The following SH3GLB1 variants were observed in gnomAD, a reference collection of about 807,000 sequenced individuals.
SH3GLB1 encodes endophilin-B1.
A neutral mutation model predicts 42.0 loss-of-function variants in SH3GLB1; 17 were observed. The observed-to-expected ratio is 0.40, with a 90% confidence interval of 0.28 to 0.61. The LOEUF is 0.61. Ranked by LOEUF, SH3GLB1 falls within the 20% of genes least tolerant of loss-of-function variation. The pLI, the probability that SH3GLB1 is intolerant of heterozygous loss-of-function variation, is 0.36. For missense variants in SH3GLB1, 355 were observed against 426.3 expected (o/e 0.83, Z 1.47); for synonymous variants, 132 against 146.6 (o/e 0.90, Z 0.72).
chr1:86,743,263 T>G lies in SH3GLB1; in HGVS notation c.*28T>G. 2.0e-6 allele frequency: 3 copies of G among 1,503,410 alleles called. No individual in the cohort carries two copies. Among genetic ancestry groups the G allele is most frequent in the Non-Finnish European group, 2.7e-6 (3 of 1,103,568 alleles). 93.1% of individuals were successfully genotyped at this position (1,503,410 alleles called of 1,614,324 possible). On this transcript the variant is annotated 3_prime_UTR_variant, in exon 9 of 9. Coordinates refer to ENST00000370558, the MANE Select transcript of SH3GLB1 (RefSeq NM_016009.5). ...AGGTGGACTATGGAAAGGTTGCCCA[T>G]CATGACTTTGTATTTATATACAATT... is the stretch of plus-strand genomic sequence containing the variant.
chr1:86,716,140 G>A (rs1654514916), intron 2 of SH3GLB1, among the ~76,000 whole-genome samples: 1 of 152,146 alleles, frequency 6.6e-6, no homozygotes, highest in Non-Finnish European at 1.5e-5. Context: ...GAGCAGCTGT[G>A]TATATAAATA....
intron 1 of SH3GLB1, among the ~76,000 whole-genome samples, chr1:86,708,330 A>G (rs1445714000): frequency 6.6e-6 from 1 of 152,164 alleles, no homozygotes; most frequent in Non-Finnish European, 1.5e-5. Context: ...CAGTAAGAAC[A>G]GTAGAGAGAG....
At chr1:86,710,126 G>A (rs1390804216) in intron 1 of SH3GLB1, among the ~76,000 whole-genome samples, 1 of 152,064 alleles carries the variant, frequency 6.6e-6, no homozygotes, top group Non-Finnish European at 1.5e-5. Flanking sequence ...ACATCCTTTG[G>A]TGCTATTTGC....
At chr1:86,709,243 C>T (rs951612969) in intron 1 of SH3GLB1, among the ~76,000 whole-genome samples, 3 of 152,122 alleles carry the variant, frequency 2.0e-5, no homozygotes, top group African/African-American at 4.8e-5. Flanking sequence ...TTTCTTATTC[C>T]CCTCTTACAA....
intron 1 of SH3GLB1, among the ~76,000 whole-genome samples, chr1:86,706,695 A>G (rs982337995): frequency 6.6e-6 from 1 of 152,202 alleles, no homozygotes; most frequent in African/African-American, 2.4e-5. Context: ...CTATAATTCT[A>G]GATGCTTATG....
intron 2 of SH3GLB1, among the ~76,000 whole-genome samples, chr1:86,716,522 A>T (rs1654544872): frequency 2.0e-5 from 3 of 152,100 alleles, no homozygotes; most frequent in African/African-American, 2.4e-5. Context: ...TGACCTCGTG[A>T]TCCACCTGCC....
At chr1:86,717,904 C>T (rs1654635750) in intron 2 of SH3GLB1, among the ~76,000 whole-genome samples, 1 of 152,164 alleles carries the variant, frequency 6.6e-6, no homozygotes, top group Non-Finnish European at 1.5e-5. Context: ...TTATTATAAC[C>T]TATTGAAATT....
At chr1:86,738,448 G>A (rs575268882) in intron 7 of SH3GLB1, among the ~76,000 whole-genome samples, 1 of 152,008 alleles carries the variant, frequency 6.6e-6, no homozygotes, top group African/African-American at 2.4e-5. Flanking sequence ...TGTATTTTTA[G>A]TAGAGACAGG....
At chr1:86,739,688 G>C (rs1028328011) in intron 7 of SH3GLB1, among the ~76,000 whole-genome samples, 3 of 152,052 alleles carry the variant, frequency 2.0e-5, no homozygotes, top group African/African-American at 7.2e-5. Flanking sequence ...GAGAAATAAG[G>C]GCATGTTTGT....
intron 1 of SH3GLB1, among the ~76,000 whole-genome samples, chr1:86,713,422 A>G (rs752542532): frequency 5.3e-5 from 8 of 152,102 alleles, no homozygotes; most frequent in Non-Finnish European, 1.0e-4. Flanking sequence ...TGATTTTTCT[A>G]TTAATCTATT....
chr1:86,706,061 A>G (rs901669772), intron 1 of SH3GLB1, among the ~76,000 whole-genome samples: 7 of 152,178 alleles, frequency 4.6e-5, no homozygotes, highest in African/African-American at 9.7e-5. Flanking sequence ...TATTATGAAA[A>G]ACCTGTCAAG....
intron 7 of SH3GLB1, 63 bp downstream of exon 7, chr1:86,735,242 T>A: frequency 9.3e-7 from 1 of 1,080,740 alleles, no homozygotes; most frequent in Non-Finnish European, 1.4e-6. Flanking sequence ...GAACTAATAC[T>A]AAGGATGAAG....
intron 5 of SH3GLB1, among the ~76,000 whole-genome samples, chr1:86,733,088 CT>C (rs961711100): frequency 2.6e-5 from 4 of 152,100 alleles, no homozygotes; most frequent in African/African-American, 9.7e-5. Context: ...AAGAACATTG[CT>C]TCTTTTTTTC....
chr1:86,741,859 TTCA>T (rs1367484673), intron 7 of SH3GLB1, among the ~76,000 whole-genome samples: 1 of 152,156 alleles, frequency 6.6e-6, no homozygotes, highest in African/African-American at 2.4e-5. Context: ...TAAGTAGTTT[TTCA>T]TCAATATTTT....
At chr1:86,722,739 A>G in intron 4 of SH3GLB1, 66 bp downstream of exon 4, 1 of 1,377,828 alleles carries the variant, frequency 7.3e-7, no homozygotes, top group Non-Finnish European at 9.8e-7. Context: ...TTAATGAATA[A>G]TTTGGCCTCT....
chr1:86,715,593 C>T (rs1373667843), intron 1 of SH3GLB1, 131 bp from the exon 2 acceptor site: 1 of 936,356 alleles, frequency 1.1e-6, no homozygotes, highest in Non-Finnish European at 1.5e-6. Context: ...TAAGCAATGG[C>T]TTACAAAGCT....
chr1:86,712,675 C>T (rs1654279554), intron 1 of SH3GLB1, among the ~76,000 whole-genome samples: 1 of 152,018 alleles, frequency 6.6e-6, no homozygotes, highest in Admixed American at 6.6e-5. Context: ...TGTGACCCTA[C>T]AGTACTGCTA....
chr1:86,728,856 C>T (rs1442906603), intron 5 of SH3GLB1, among the ~76,000 whole-genome samples: 2 of 152,082 alleles, frequency 1.3e-5, no homozygotes, highest in African/African-American at 4.8e-5. Context: ...GCCTTTGCTG[C>T]TCAGTAGCTT....
chr1:86,734,470 A>G (rs1655676829), intron 5 of SH3GLB1, 132 bp from the exon 6 acceptor site: 2 of 650,960 alleles, frequency 3.1e-6, no homozygotes, highest in East Asian at 5.6e-5. Flanking sequence ...TTTAGATACA[A>G]AGCAGAATTG....
Sources: allele counts gnomAD v4.1 joint callset (sites outside exome capture counted in the v4.1 genomes callset), GRCh38; gene constraint gnomAD v4.1.1; transcripts MANE v1.5; gene names NCBI Gene and HGNC (gene_info 2026-07-23, HGNC 2026-07-21).